Variants in TMEM116 observed in about 807,000 individuals in gnomAD.
TMEM116 encodes the protein transmembrane protein 116.
TMEM116 carries 38 observed loss-of-function variants against 44.3 expected under a neutral mutation model. The observed-to-expected ratio is 0.86, with a 90% CI of 0.66 to 1.12. The LOEUF (loss-of-function observed/expected upper bound fraction) is 1.12, where lower values mean the gene tolerates loss of function less well. TMEM116 is among the 50% of genes most tolerant of loss of function. The pLI is 0.00. For synonymous variants in TMEM116, 132 were observed against 144.8 expected (o/e 0.91, Z 0.64); for missense variants, 354 against 401.7 (o/e 0.88, Z 1.01).
At chr12:111,968,503 T>C (rs1029934972) in intron 4 of TMEM116, among the ~76,000 whole-genome samples, 2 of 152,168 alleles carry the variant, frequency 1.3e-5, no homozygotes, top group Non-Finnish European at 2.9e-5. Context: ...TTGAAATGTC[T>C]GGCATTCAGT....
At chr12:112,005,184 G>T in intron 2 of TMEM116, 73 bp downstream of exon 2, 1 of 1,033,316 alleles carries the variant, frequency 9.7e-7, no homozygotes, top group African/African-American at 1.7e-5. Context: ...CCCCAAGGGG[G>T]AAATGTGGAA....
At chr12:111,943,407 A>C in intron 4 of TMEM116, 38 bp from the exon 5 acceptor site, 1,185 of 1,390,328 alleles carry the variant, frequency 8.5e-4, no homozygotes, top group Non-Finnish European at 1.1e-3. Context: ...TAACTATCTC[A>C]CTCTGACACT....
chr12:112,012,210 C>T (rs938583247), intron 1 of TMEM116: 1 of 152,244 alleles, frequency 6.6e-6, no homozygotes, highest in Non-Finnish European at 1.5e-5. Flanking sequence ...TCAAAAGTCA[C>T]CTCCTGTCTA....
rs948031580 is a variant in TMEM116, at chr12:111,951,987, T to C, written c.211-8618A>G. 1.2e-4 allele frequency among the ~76,000 whole-genome samples: 19 copies of C among 152,168 alleles called. No individual in the cohort carries two copies. The Middle Eastern group carries it at 0.01, about 82-fold the overall frequency. On this transcript the variant is annotated intron_variant, in intron 4 of 10. Transcript: ENST00000552374. ...GCTCATGCCTGTAATCCCAGCACTT[T>C]TGAGAGGCTGAGGTGGGCGGACCAT...
At chr12:111,969,262 G>T (rs1456656142) in intron 4 of TMEM116, among the ~76,000 whole-genome samples, 26 of 148,720 alleles carry the variant, frequency 1.7e-4, no homozygotes, top group Non-Finnish European at 3.3e-4. Context: ...GGAGGTTGTG[G>T]TGAGCTAAGA....
At chr12:111,936,167 T>A (rs1012354757) in intron 8 of TMEM116, 1 of 152,242 alleles carries the variant, frequency 6.6e-6, no homozygotes, top group Non-Finnish European at 1.5e-5. Context: ...TTATGTAACT[T>A]ACTATCCCCT....
chr12:111,933,186 A>G (rs940456985), intron 9 of TMEM116, among the ~76,000 whole-genome samples: 3 of 150,974 alleles, frequency 2.0e-5, no homozygotes, highest in Non-Finnish European at 4.4e-5. Context: ...GGTTGTAGTG[A>G]GCTGAGATTG....
chr12:112,011,458 T>C (rs916366532), intron 1 of TMEM116: 1 of 152,232 alleles, frequency 6.6e-6, no homozygotes, highest in South Asian at 2.1e-4. Flanking sequence ...TTTGGAAACA[T>C]ACAATGGTTA....
intron 4 of TMEM116, among the ~76,000 whole-genome samples, chr12:111,990,890 C>T (rs1034030960): frequency 3.9e-5 from 6 of 152,176 alleles, no homozygotes; most frequent in East Asian, 1.9e-4. Context: ...CCTGGAAATA[C>T]GGTCACAATA....
At chr12:111,949,942 C>G (rs1359383116) in intron 4 of TMEM116, among the ~76,000 whole-genome samples, 1 of 152,048 alleles carries the variant, frequency 6.6e-6, no homozygotes, top group Non-Finnish European at 1.5e-5. Flanking sequence ...TGGTGAGACC[C>G]CGTCTCTACT....
chr12:111,959,260 T>C (rs7959723), intron 4 of TMEM116, among the ~76,000 whole-genome samples: 29,777 of 152,100 alleles, frequency 0.2, 3,133 homozygotes, highest in Middle Eastern at 0.27. Flanking sequence ...GCTTCATAAG[T>C]GAAGGATAAA....
intron 5 of TMEM116, among the ~76,000 whole-genome samples, chr12:111,939,806 T>A (rs1281541102): frequency 6.7e-6 from 1 of 148,900 alleles, no homozygotes; most frequent in Non-Finnish European, 1.5e-5. Context: ...CCAGCGTGAG[T>A]GACAGAGTGA....
At chr12:111,945,174 T>A (rs1457957369) in intron 4 of TMEM116, among the ~76,000 whole-genome samples, 2 of 145,924 alleles carry the variant, frequency 1.4e-5, no homozygotes, top group Non-Finnish European at 3.0e-5. Context: ...GAAACCCCCA[T>A]CTCTACTAAA....
At chr12:111,994,204 T>A (rs1469926023) in intron 3 of TMEM116, among the ~76,000 whole-genome samples, 1 of 152,160 alleles carries the variant, frequency 6.6e-6, no homozygotes, top group Non-Finnish European at 1.5e-5. Context: ...GTCAAGAGTT[T>A]CAAATTTACT....
rs1818655637 is a variant in TMEM116 at position 111,932,727 on chromosome 12, C to T, written c.734-68G>A. ...GTCTGAAGTATCAGGTTCCTCCACA[C>T]ACGTCTGAGCATTATCAGAATGGAA... On this transcript the variant is annotated intron_variant, in intron 9 of 10. Coordinates refer to ENST00000552374, the MANE Select transcript of TMEM116 (RefSeq NM_001193531.2). 7.6e-6 allele frequency: 9 copies of T among 1,189,600 alleles called. No homozygotes were observed. In the South Asian group the frequency reaches 1.1e-4, roughly 15 times the overall value. 73.7% of individuals were successfully genotyped at this position (1,189,600 alleles called of 1,614,324 possible). A position where few individuals can be genotyped will look rare whatever the true frequency, so the allele number is the denominator to read the frequency against.
intron 1 of TMEM116, chr12:112,012,595 G>A (rs1436089801): frequency 6.6e-6 from 1 of 152,420 alleles, no homozygotes; most frequent in African/African-American, 2.4e-5. Context: ...ATATTTTACA[G>A]CAATTACACT....
At chr12:111,931,921 T>C (rs980705657) in intron 10 of TMEM116, 94 bp from the exon 11 acceptor site, 6 of 869,132 alleles carry the variant, frequency 6.9e-6, no homozygotes, top group Admixed American at 3.1e-5. Context: ...AGCATTGTTA[T>C]ATTTTCTCTA....
chr12:111,965,818 C>A, intron 4 of TMEM116: 1 of 269,028 alleles, frequency 3.7e-6, no homozygotes, highest in Non-Finnish European at 7.6e-6. Flanking sequence ...TGCCTGTAGT[C>A]CCAGGTACTC....
intron 3 of TMEM116, among the ~76,000 whole-genome samples, chr12:111,997,381 CCT>C (rs1442764664): frequency 1.3e-5 from 2 of 152,032 alleles, no homozygotes; most frequent in African/African-American, 2.4e-5. Context: ...TAACAAGACC[CCT>C]GTCTCTACAA....
Sources: gnomAD v4.1 joint callset for allele counts (sites outside exome capture counted in the v4.1 genomes callset) on GRCh38, gnomAD v4.1.1 for gene constraint, MANE v1.5 for transcripts, NCBI Gene and HGNC (gene_info 2026-07-23, HGNC 2026-07-21) for gene names.